SSH2: variants seen among roughly 807,000 people sequenced by gnomAD.
SSH2 encodes protein phosphatase Slingshot homolog 2.
SSH2 carries 37 observed loss-of-function variants against 135.2 expected under a neutral mutation model. The ratio of observed to expected loss-of-function variants is 0.27; its 90% CI spans 0.21 to 0.36. The LOEUF (loss-of-function observed/expected upper bound fraction) is 0.36, where lower values mean the gene tolerates loss of function less well. SSH2 is among the 10% of genes least tolerant of loss of function. The probability of loss-of-function intolerance (pLI) is 1.00; values close to 1 mark genes in which losing one functional copy is unlikely to be tolerated. For synonymous variants in SSH2, 628 were observed against 646.2 expected, an observed-to-expected ratio of 0.97 and a Z score of 0.43; for missense variants, 1,408 against 1,765.3, an observed-to-expected ratio of 0.80 and a Z score of 3.63.
intron 3 of SSH2, among the ~76,000 whole-genome samples, chr17:29,745,497 C>G (rs775498039): frequency 6.6e-6 from 1 of 152,126 alleles, no homozygotes; most frequent in African/African-American, 2.4e-5. Flanking sequence ...TTCTAAAGCA[C>G]AAATTGTACT....
intron 2 of SSH2, among the ~76,000 whole-genome samples, chr17:29,814,381 G>C (rs1599036096): frequency 7.1e-6 from 1 of 141,500 alleles, no homozygotes; most frequent in Non-Finnish European, 1.5e-5. Context: ...TGCAGTGAGT[G>C]GAGATTACAC....
intron 1 of SSH2, among the ~76,000 whole-genome samples, chr17:29,853,717 T>A (rs1434876655): frequency 6.6e-6 from 1 of 151,760 alleles, no homozygotes; most frequent in Non-Finnish European, 1.5e-5. Flanking sequence ...TTGAGCTCAG[T>A]TTCCTCATCC....
intron 3 of SSH2, among the ~76,000 whole-genome samples, chr17:29,781,599 C>T (rs2041844524): frequency 1.3e-5 from 2 of 150,726 alleles, no homozygotes; most frequent in African/African-American, 2.4e-5. Flanking sequence ...CCTGCCTTAG[C>T]CTATCGAGTA....
intron 3 of SSH2, chr17:29,716,178 T>C (rs757786499): frequency 7.2e-5 from 15 of 208,438 alleles, no homozygotes; most frequent in African/African-American, 4.7e-5. Flanking sequence ...CCTGGAAACA[T>C]GCTTAAGTCT....
chr17:29,837,575 T>C (rs1257833861), intron 2 of SSH2, among the ~76,000 whole-genome samples: 1 of 152,090 alleles, frequency 6.6e-6, no homozygotes, highest in Non-Finnish European at 1.5e-5. Context: ...GGCAGCCAAC[T>C]GCACCACCCC....
At chr17:29,727,106 C>A (rs932825345) in intron 3 of SSH2, among the ~76,000 whole-genome samples, 2 of 152,212 alleles carry the variant, frequency 1.3e-5, no homozygotes, top group African/African-American at 4.8e-5. Flanking sequence ...TGCTTTTACA[C>A]AAAGGACTTC....
chr17:29,914,823 T>G (rs1467981884), intron 1 of SSH2, among the ~76,000 whole-genome samples: 1 of 152,186 alleles, frequency 6.6e-6, no homozygotes, highest in African/African-American at 2.4e-5. Flanking sequence ...ATGACTTCAT[T>G]ACCATTACCA....
chr17:29,691,853 T>A (rs971206410), intron 5 of SSH2, among the ~76,000 whole-genome samples: 1 of 151,220 alleles, frequency 6.6e-6, no homozygotes, highest in Admixed American at 6.6e-5. Flanking sequence ...AAGTCAAGAC[T>A]TTCAGCCGGG....
chr17:29,633,330 C>A (rs1203118607), intron 15 of SSH2, among the ~76,000 whole-genome samples: 1 of 152,224 alleles, frequency 6.6e-6, no homozygotes, highest in African/African-American at 2.4e-5. Context: ...GGCCTATCAA[C>A]TTCTAGTTTG....
intron 11 of SSH2, among the ~76,000 whole-genome samples, chr17:29,664,286 T>C (rs1403138210): frequency 1.3e-5 from 2 of 151,254 alleles, no homozygotes; most frequent in East Asian, 3.9e-4. Flanking sequence ...GGCAGGTGAA[T>C]CGTGTGAACC....
intron 1 of SSH2, among the ~76,000 whole-genome samples, chr17:29,857,843 C>T (rs1209463824): frequency 6.6e-6 from 1 of 152,188 alleles, no homozygotes; most frequent in African/African-American, 2.4e-5. Flanking sequence ...ATCTCTAAAG[C>T]TTTTTCATCT....
At position 29,919,758 on chromosome 17, in the gene SSH2, G is replaced by A. The variant is rs1264088886; in HGVS notation, c.63+10180C>T. Among the ~76,000 whole-genome samples the A allele has an allele frequency of 2.7e-4, 27 of 101,688 alleles. 1 individual carries two copies. In the Admixed American group the frequency reaches 2.7e-3, roughly 10 times the overall value. 66.7% of individuals were successfully genotyped at this position (101,688 alleles called of 152,430 possible). A position where few individuals can be genotyped will look rare whatever the true frequency, so the allele number is the denominator to read the frequency against. The stretch of plus-strand genomic sequence containing the variant: ...TACTGAATGGAAAAACTACAGCTAG[G>A]TGTTTTTTTTTTTTAATGGATTAAC... On this transcript the variant is annotated intron_variant, in intron 1 of 15. Coordinates refer to ENST00000540801, the MANE Select transcript of SSH2 (RefSeq NM_001282129.2).
chr17:29,671,892 C>A (rs374733662), intron 9 of SSH2, 43 bp downstream of exon 9: 6 of 1,531,236 alleles, frequency 3.9e-6, no homozygotes, highest in Non-Finnish European at 4.5e-6. Flanking sequence ...CTCCTCAGGA[C>A]ATAATGGAGA....
chr17:29,677,545 C>A, intron 7 of SSH2, 128 bp downstream of exon 7: 1 of 753,190 alleles, frequency 1.3e-6, no homozygotes, highest in Admixed American at 2.1e-5. Context: ...TTTAAAAGGA[C>A]TCATTCAGCT....
intron 1 of SSH2, among the ~76,000 whole-genome samples, chr17:29,889,986 A>G (rs1599148423): frequency 6.6e-6 from 1 of 152,090 alleles, no homozygotes; most frequent in African/African-American, 2.4e-5. Context: ...TTAAAAAAAT[A>G]AAAAATGGGC....
At chr17:29,821,220 G>A (rs953878723) in intron 2 of SSH2, among the ~76,000 whole-genome samples, 11 of 152,010 alleles carry the variant, frequency 7.2e-5, no homozygotes, top group African/African-American at 2.4e-4. Flanking sequence ...CTTCTTCCTT[G>A]TATTATAAAT....
chr17:29,671,506 G>C (rs1444767688), intron 9 of SSH2, among the ~76,000 whole-genome samples: 1 of 152,004 alleles, frequency 6.6e-6, no homozygotes, highest in Non-Finnish European at 1.5e-5. Flanking sequence ...TAGCTTATTA[G>C]TTAAGGCATT....
chr17:29,684,767 T>A, intron 5 of SSH2, 83 bp from the exon 6 acceptor site: 1 of 1,342,742 alleles, frequency 7.4e-7, no homozygotes, highest in Non-Finnish European at 1.0e-6. Flanking sequence ...ATCAGCATCT[T>A]AAAGCATACT....
At chr17:29,638,446 T>C (rs536074538) in intron 14 of SSH2, among the ~76,000 whole-genome samples, 70 of 151,392 alleles carry the variant, frequency 4.6e-4, no homozygotes, top group African/African-American at 1.6e-3. Flanking sequence ...ACCAAACTGA[T>C]AATAGTGATT....
Sources: gnomAD v4.1 joint callset for allele counts (sites outside exome capture counted in the v4.1 genomes callset) on GRCh38, gnomAD v4.1.1 for gene constraint, MANE v1.5 for transcripts, NCBI Gene and HGNC (gene_info 2026-07-23, HGNC 2026-07-21) for gene names.